The following KCTD1 variants were observed in gnomAD, a reference collection of about 807,000 sequenced individuals.
The protein encoded by KCTD1 is potassium channel tetramerization domain containing 1, also known as BTB/POZ domain-containing protein KCTD1.
KCTD1 carries 24 observed loss-of-function variants against 66.0 expected under a neutral mutation model. The observed-to-expected ratio is 0.36, with a 90% CI of 0.26 to 0.51. The LOEUF (loss-of-function observed/expected upper bound fraction) is 0.51. Ranked by LOEUF, KCTD1 falls within the 20% of genes least tolerant of loss-of-function variation. The probability of loss-of-function intolerance (pLI) is 0.95; values close to 1 mark genes in which losing one functional copy is unlikely to be tolerated. For missense variants in KCTD1, 943 were observed against 1,205.2 expected (o/e 0.78, Z 3.22); for synonymous variants, 511 against 517.2 (o/e 0.99, Z 0.16).
intron 2 of KCTD1, among the ~76,000 whole-genome samples, chr18:26,497,783 T>C (rs903942728): frequency 2.0e-5 from 3 of 152,318 alleles, no homozygotes; most frequent in African/African-American, 7.2e-5. Context: ...TCAAAGAGTC[T>C]TGACAAATTC....
At position 26,455,837 on chromosome 18, in the gene KCTD1, G is replaced by A. The variant is rs754980539; in HGVS notation, c.2504C>T (p.Ser835Leu). The A allele has an allele frequency of 1.9e-6, 3 of 1,614,188 alleles. No homozygotes were observed. The highest frequency in any genetic ancestry group is 1.6e-4 in the Middle Eastern group (1 of 6,062). The change falls in exon 5 of 5, where the codon TCG becomes TTG. Residue 835 changes from serine to leucine, a missense_variant. Transcript: ENST00000580059. ...IVGSCGGGVD[S>L]SQFSEYVLRR... is the part of the protein sequence containing the mutation. Reference sequence around the variant, plus strand: ...AAGGACGTATTCGCTGAACTGGGACGAGTCTACTCCTCCCCCACAGGAGCC... The same window carrying A: ...AAGGACGTATTCGCTGAACTGGGACAAGTCTACTCCTCCCCCACAGGAGCC...
chr18:26,653,550 A>C (rs894188100), intron 1 of KCTD1, among the ~76,000 whole-genome samples: 2 of 152,202 alleles, frequency 1.3e-5, no homozygotes, highest in African/African-American at 4.8e-5. Context: ...CTGGACTATA[A>C]GCTCCATGAG....
At chr18:26,535,849 G>A (rs1447136005) in intron 1 of KCTD1, among the ~76,000 whole-genome samples, 6 of 151,122 alleles carry the variant, frequency 4.0e-5, no homozygotes, top group Admixed American at 1.3e-4. Context: ...TGTAGAATGG[G>A]TATGATGAAA....
At chr18:26,570,674 G>A (rs1050209682) in intron 1 of KCTD1, among the ~76,000 whole-genome samples, 1 of 152,138 alleles carries the variant, frequency 6.6e-6, no homozygotes, top group Non-Finnish European at 1.5e-5. Context: ...GCCTCCCAAA[G>A]TGCTGGGATT....
chr18:26,546,579 G>A (rs531786081), intron 1 of KCTD1, 149 bp downstream of exon 1: 1 of 891,614 alleles, frequency 1.1e-6, no homozygotes, highest in African/African-American at 1.7e-5. Context: ...AGCACCAAGA[G>A]AGTTAACTTC....
At chr18:26,504,237 C>CTAT (rs898648309) in intron 1 of KCTD1, among the ~76,000 whole-genome samples, 1 of 152,008 alleles carries the variant, frequency 6.6e-6, no homozygotes, top group African/African-American at 2.4e-5. Flanking sequence ...GCTCAGCTAA[C>CTAT]TATTATTATT....
intron 1 of KCTD1, among the ~76,000 whole-genome samples, chr18:26,647,870 T>C (rs1156437216): frequency 3.3e-5 from 5 of 152,076 alleles, no homozygotes; most frequent in Admixed American, 3.3e-4. Context: ...AGAGTCTCAT[T>C]GCTCTGTTGC....
At chr18:26,565,256 A>T (rs561814152) in intron 1 of KCTD1, among the ~76,000 whole-genome samples, 2 of 152,278 alleles carry the variant, frequency 1.3e-5, no homozygotes, top group South Asian at 4.1e-4. Context: ...AAACAATTGA[A>T]TTCTTTCATT....
intron 2 of KCTD1, among the ~76,000 whole-genome samples, chr18:26,498,091 C>A (rs1982571122): frequency 6.6e-6 from 1 of 152,198 alleles, no homozygotes; most frequent in Admixed American, 6.5e-5. Flanking sequence ...AGTAACCTTG[C>A]AAGGAGACCT....
Position 26,547,871 on chromosome 18 carries a change from G to A in KCTD1, c.666C>T (p.Leu222=). 6.5e-7 allele frequency: 1 copy of A among 1,542,756 alleles called. No individual in the cohort carries two copies. Among genetic ancestry groups the A allele is most frequent in the Non-Finnish European group, 8.7e-7 (1 of 1,146,842 alleles). Residue 222 remains leucine, a synonymous_variant, in exon 1 of 5, where the codon CTC becomes CTT. Coordinates refer to ENST00000580059, the MANE Select transcript of KCTD1 (RefSeq NM_001142730.3). ...TGCTGATGAGCGACGACTTGCTGTAGAGCTGGCCGCTTTTGGAGCGGGCCT... is the reference window on the plus strand; with the variant it reads ...TGCTGATGAGCGACGACTTGCTGTAAAGCTGGCCGCTTTTGGAGCGGGCCT... ...YAEARSKSGQ[L]YSKSSLISIR...
At chr18:26,593,532 AAGG>A (rs1428640442) in intron 1 of KCTD1, among the ~76,000 whole-genome samples, 1 of 44,438 alleles carries the variant, frequency 2.3e-5, no homozygotes, top group Non-Finnish European at 4.5e-5. Context: ...AGACAAGGAG[AAGG>A]AGGAGGAAGA....
At chr18:26,616,175 G>T (rs1196157432) in intron 1 of KCTD1, among the ~76,000 whole-genome samples, 6 of 147,118 alleles carry the variant, frequency 4.1e-5, no homozygotes, top group Non-Finnish European at 7.4e-5. Context: ...TTTATTGTTG[G>T]ACCTCAGGTG....
intron 1 of KCTD1, chr18:26,657,233 C>T: frequency 1.4e-6 from 1 of 696,164 alleles, no homozygotes; most frequent in Non-Finnish European, 1.8e-6. Flanking sequence ...CCGCGGCGGG[C>T]GGCGTGTGTG....
upstream of KCTD1, among the ~76,000 whole-genome samples, chr18:26,551,881 C>A (rs760921109): frequency 5.9e-5 from 9 of 152,214 alleles, no homozygotes; most frequent in Admixed American, 1.3e-4. Context: ...TACTTGACCT[C>A]TCCATATCAT....
chr18:26,558,104 C>T (rs545191609), intron 1 of KCTD1, among the ~76,000 whole-genome samples: 1 of 152,248 alleles, frequency 6.6e-6, no homozygotes, highest in Non-Finnish European at 1.5e-5. Context: ...GATCATGGAA[C>T]TTGCGTGTGT....
chr18:26,577,592 G>A (rs1333291323), intron 1 of KCTD1, among the ~76,000 whole-genome samples: 1 of 151,684 alleles, frequency 6.6e-6, no homozygotes, highest in Non-Finnish European at 1.5e-5. Flanking sequence ...TGTCATCCAG[G>A]CTGAAATGCA....
intron 1 of KCTD1, among the ~76,000 whole-genome samples, chr18:26,639,504 A>G (rs1819821860): frequency 6.6e-6 from 1 of 152,192 alleles, no homozygotes; most frequent in South Asian, 2.1e-4. Flanking sequence ...TGGTTATTAT[A>G]GAGAATTGGA....
upstream of KCTD1, among the ~76,000 whole-genome samples, chr18:26,631,008 T>G (rs1204210611): frequency 6.6e-6 from 1 of 152,198 alleles, no homozygotes; most frequent in Non-Finnish European, 1.5e-5. Flanking sequence ...CTTTTCTGAT[T>G]AGATGGTGGT....
At chr18:26,526,311 A>C (rs1396120503) in intron 1 of KCTD1, among the ~76,000 whole-genome samples, 3 of 152,196 alleles carry the variant, frequency 2.0e-5, no homozygotes, top group Non-Finnish European at 4.4e-5. Context: ...CCTGGGCCTC[A>C]AGGAATTCAT....
Sources: gnomAD v4.1 joint callset for allele counts (sites outside exome capture counted in the v4.1 genomes callset) on GRCh38, gnomAD v4.1.1 for gene constraint, MANE v1.5 for transcripts, NCBI Gene and HGNC (gene_info 2026-07-23, HGNC 2026-07-21) for gene names.